The following SDHAF3 variants were observed in gnomAD, a reference collection of about 807,000 sequenced individuals.
SDHAF3 encodes succinate dehydrogenase assembly factor 3, mitochondrial.
A neutral mutation model predicts 11.5 loss-of-function variants in SDHAF3; 18 were observed. That is an observed-to-expected ratio of 1.56 (90% confidence interval 1.08 to 2.32). The LOEUF is 2.32. Among genes scored for constraint, SDHAF3 ranks in the 30% most tolerant of loss-of-function variants. SDHAF3 has a pLI of 0.00. For synonymous variants in SDHAF3, 72 were observed against 59.3 expected, an observed-to-expected ratio of 1.21 and a Z score of -0.99; for missense variants, 200 against 154.4, an observed-to-expected ratio of 1.30 and a Z score of -1.57.
At chr7:97,161,392 C>T (rs527869918) in intron 1 of SDHAF3, among the ~76,000 whole-genome samples, 1 of 152,280 alleles carries the variant, frequency 6.6e-6, no homozygotes, top group South Asian at 2.1e-4. Context: ...GTTGGGATTA[C>T]ACAAAGAATG....
chr7:97,156,809 T>A (rs542734594), intron 1 of SDHAF3, among the ~76,000 whole-genome samples: 6 of 152,248 alleles, frequency 3.9e-5, no homozygotes, highest in South Asian at 2.1e-4. Context: ...ACATATATAT[T>A]TTTTTAGAGT....
chr7:97,126,047 A>G (rs1791568330), intron 1 of SDHAF3, among the ~76,000 whole-genome samples: 2 of 152,054 alleles, frequency 1.3e-5, no homozygotes, highest in African/African-American at 4.8e-5. Context: ...TTTTTCTTCT[A>G]ATAGGCCCCT....
chr7:97,172,735 T>C (rs147161526), intron 1 of SDHAF3, among the ~76,000 whole-genome samples: 1 of 152,322 alleles, frequency 6.6e-6, no homozygotes, highest in African/African-American at 2.4e-5. Context: ...TCCCACTGTT[T>C]TGATGAGGAA....
chr7:97,162,117 A>G (rs1392454185), intron 1 of SDHAF3, among the ~76,000 whole-genome samples: 3 of 152,302 alleles, frequency 2.0e-5, no homozygotes, highest in South Asian at 4.1e-4. Flanking sequence ...CTTTTTAATC[A>G]TCGCCATTCT....
chr7:97,150,704 C>T (rs1275355791), intron 1 of SDHAF3, among the ~76,000 whole-genome samples: 4 of 151,728 alleles, frequency 2.6e-5, no homozygotes, highest in African/African-American at 9.7e-5. Context: ...GCTGGGACTA[C>T]AGGCGCCCAC....
chr7:97,157,894 C>G (rs1200656038), intron 1 of SDHAF3, among the ~76,000 whole-genome samples: 2 of 143,432 alleles, frequency 1.4e-5, no homozygotes, highest in African/African-American at 5.2e-5. Context: ...TGTTCTCACT[C>G]ATAGGTGGGA....
In SDHAF3 at chr7:97,181,267, A is replaced by G. The variant is rs1376760709; in HGVS notation, c.*52A>G. ...TGCAAAAATTTAGAACCCCTACTTT[A>G]ACTGTCATTGGTTTTTGAAATATAT... On this transcript the variant is annotated 3_prime_UTR_variant, in exon 2 of 2. Transcript: ENST00000432641. 7.4e-7 allele frequency: 1 copy of G among 1,348,020 alleles called. No individual in the cohort carries two copies. Among genetic ancestry groups the G allele is most frequent in the African/African-American group, 1.5e-5 (1 of 67,864 alleles). The allele number at this position is 1,348,020 out of a possible 1,614,324, so 83.5% of individuals were successfully genotyped here.
At chr7:97,120,375 C>T (rs1791472842) in intron 1 of SDHAF3, among the ~76,000 whole-genome samples, 1 of 152,074 alleles carries the variant, frequency 6.6e-6, no homozygotes, top group African/African-American at 2.4e-5. Flanking sequence ...ACTTGAAGAA[C>T]TGGTCTTTTT....
At chr7:97,147,772 A>G (rs1222077520) in intron 1 of SDHAF3, among the ~76,000 whole-genome samples, 4 of 152,222 alleles carry the variant, frequency 2.6e-5, no homozygotes, top group African/African-American at 9.6e-5. Flanking sequence ...TTGTGTACGC[A>G]CCACCAATTG....
At chr7:97,156,970 C>G (rs1396013820) in intron 1 of SDHAF3, among the ~76,000 whole-genome samples, 1 of 152,110 alleles carries the variant, frequency 6.6e-6, no homozygotes, top group South Asian at 2.1e-4. Flanking sequence ...ATCCCTCCCC[C>G]AGTCCCCCAG....
rs1364057119 is a variant in SDHAF3, at chr7:97,152,578, G to A, written c.175-28434G>A. On this transcript the variant is annotated intron_variant, in intron 1 of 1. Transcript: ENST00000432641. ...TACAGTAGTAATGTTATCCATAGGAGCAATTGAGGAGGTTAGGAAGTTTAT... is the reference window on the plus strand; with the variant it reads ...TACAGTAGTAATGTTATCCATAGGAACAATTGAGGAGGTTAGGAAGTTTAT... Among the ~76,000 whole-genome samples, 5 of 152,306 alleles carry A rather than the reference G, an allele frequency of 3.3e-5. 1 individual carries two copies. The South Asian group carries it at 8.3e-4, about 25-fold the overall frequency.
intron 1 of SDHAF3, among the ~76,000 whole-genome samples, chr7:97,130,556 A>G (rs1791653279): frequency 6.6e-6 from 1 of 152,036 alleles, no homozygotes. Flanking sequence ...GTTCATTCCC[A>G]CTGCCCTGCT....
intron 1 of SDHAF3, among the ~76,000 whole-genome samples, chr7:97,147,662 T>C (rs1789155929): frequency 6.6e-6 from 1 of 152,182 alleles, no homozygotes; most frequent in Admixed American, 6.5e-5. Context: ...ATTTTATATA[T>C]TACTCTTACT....
intron 1 of SDHAF3, among the ~76,000 whole-genome samples, chr7:97,130,586 C>T (rs1791653855): frequency 6.6e-6 from 1 of 152,216 alleles, no homozygotes; most frequent in South Asian, 2.1e-4. Context: ...GGCTCTTGGG[C>T]TGGCCCCACC....
At position 97,127,606 on chromosome 7, in the gene SDHAF3, G is replaced by A. The variant is rs73708860; in HGVS notation, c.174+9709G>A. The stretch of plus-strand genomic sequence containing the variant: ...AGTTTCCTTAGTATAATTAGGATTG[G>A]ATGGGTATTTGGCTAGTTTTTATAA... On this transcript the variant is annotated intron_variant, in intron 1 of 1. Coordinates refer to ENST00000432641, the MANE Select transcript of SDHAF3 (RefSeq NM_020186.3). 4.1e-3 allele frequency among the ~76,000 whole-genome samples: 617 copies of A among 152,202 alleles called. 4 individuals carry two copies. Among genetic ancestry groups the A allele is most frequent in the African/African-American group, 0.014 (590 of 41,530 alleles).
intron 1 of SDHAF3, among the ~76,000 whole-genome samples, chr7:97,126,980 G>C (rs1374253984): frequency 6.6e-6 from 1 of 152,154 alleles, no homozygotes; most frequent in African/African-American, 2.4e-5. Context: ...CAAAAATCAT[G>C]GGAAAAGCAT....
intron 1 of SDHAF3, among the ~76,000 whole-genome samples, chr7:97,144,186 GT>G (rs150007886): frequency 6.6e-6 from 1 of 151,816 alleles, no homozygotes; most frequent in Non-Finnish European, 1.5e-5. Flanking sequence ...GGGATTGTTT[GT>G]TTTTTTCTTA....
chr7:97,150,611 T>G (rs1789204526), intron 1 of SDHAF3, among the ~76,000 whole-genome samples: 1 of 148,350 alleles, frequency 6.7e-6, no homozygotes, highest in Admixed American at 6.9e-5. Flanking sequence ...TCCCCCAGGC[T>G]GGAGTGCAGT....
chr7:97,149,212 C>T (rs1255355777), intron 1 of SDHAF3, among the ~76,000 whole-genome samples: 2 of 152,068 alleles, frequency 1.3e-5, no homozygotes, highest in Non-Finnish European at 2.9e-5. Flanking sequence ...GCTGGGATTA[C>T]AGGTGTGAGC....
Sources: gnomAD v4.1 joint callset for allele counts (sites outside exome capture counted in the v4.1 genomes callset) on GRCh38, gnomAD v4.1.1 for gene constraint, MANE v1.5 for transcripts, NCBI Gene and HGNC (gene_info 2026-07-23, HGNC 2026-07-21) for gene names.